KIAA0825: variants seen among roughly 807,000 people sequenced by gnomAD.
KIAA0825 encodes the protein KIAA0825, also known as uncharacterized protein KIAA0825.
In KIAA0825, 119 loss-of-function variants were observed where a neutral mutation model predicts 147.6. The ratio of observed to expected loss-of-function variants is 0.81; its 90% CI spans 0.69 to 0.94. The LOEUF is 0.94. Among genes scored for constraint, KIAA0825 ranks in the 40% least tolerant of loss-of-function variants. KIAA0825 has a pLI of 0.00. For synonymous variants in KIAA0825, 470 were observed against 518.1 expected, an observed-to-expected ratio of 0.91 and a Z score of 1.26; for missense variants, 1,381 against 1,472.7, an observed-to-expected ratio of 0.94 and a Z score of 1.02.
intron 2 of KIAA0825, among the ~76,000 whole-genome samples, chr5:94,546,517 CAGAGAG>C (rs34483380): frequency 0.019 from 2,884 of 149,046 alleles, 38 homozygotes; most frequent in Non-Finnish European, 0.028. Context: ...TGGCTCAGCA[CAGAGAG>C]AGAGAGAGAG....
chr5:94,365,051 T>C (rs905334072), intron 20 of KIAA0825, among the ~76,000 whole-genome samples: 3 of 152,080 alleles, frequency 2.0e-5, no homozygotes, highest in Admixed American at 2.0e-4. Context: ...ATTTGCATAA[T>C]AAGATTAGGG....
At chr5:94,583,661 G>A (rs182219059) in intron 1 of KIAA0825, among the ~76,000 whole-genome samples, 164 of 152,302 alleles carry the variant, frequency 1.1e-3, no homozygotes, top group South Asian at 5.8e-3. Context: ...TGACAGCTCT[G>A]AAGAGAACAG....
At chr5:94,331,567 T>A (rs1286781204) in intron 20 of KIAA0825, among the ~76,000 whole-genome samples, 1 of 152,190 alleles carries the variant, frequency 6.6e-6, no homozygotes, top group African/African-American at 2.4e-5. Flanking sequence ...CTGCAAACCC[T>A]GCTTTGCCTG....
chr5:94,262,665 G>C (rs1021139273), intron 20 of KIAA0825, among the ~76,000 whole-genome samples: 1 of 152,118 alleles, frequency 6.6e-6, no homozygotes, highest in Non-Finnish European at 1.5e-5. Context: ...CTGTCAAGTA[G>C]AAAAAGTAAG....
intron 20 of KIAA0825, among the ~76,000 whole-genome samples, chr5:94,376,114 T>A (rs1747524480): frequency 6.6e-6 from 1 of 152,174 alleles, no homozygotes; most frequent in Non-Finnish European, 1.5e-5. Context: ...TTATAAGGAT[T>A]TACAGTTAAA....
intron 1 of KIAA0825, among the ~76,000 whole-genome samples, chr5:94,610,081 T>C (rs1014957264): frequency 9.9e-5 from 15 of 151,972 alleles, no homozygotes; most frequent in Non-Finnish European, 1.6e-4. Context: ...AAATGAAAAA[T>C]ATTTGATGAG....
At chr5:94,615,995 A>G (rs1790361624) in intron 1 of KIAA0825, among the ~76,000 whole-genome samples, 1 of 152,034 alleles carries the variant, frequency 6.6e-6, no homozygotes, top group Admixed American at 6.6e-5. Context: ...TTAGCCTCCC[A>G]AAGTATTGGG....
intron 12 of KIAA0825, among the ~76,000 whole-genome samples, chr5:94,458,625 A>T (rs1232529043): frequency 1.3e-5 from 2 of 152,172 alleles, no homozygotes; most frequent in African/African-American, 4.8e-5. Context: ...TTAAAAAATG[A>T]GATTTCCCTT....
chr5:94,267,370 A>G (rs971167382), intron 20 of KIAA0825, among the ~76,000 whole-genome samples: 4 of 152,222 alleles, frequency 2.6e-5, no homozygotes, highest in African/African-American at 9.6e-5. Context: ...GTACTGGAGC[A>G]TCACTTCCTC....
intron 20 of KIAA0825, among the ~76,000 whole-genome samples, chr5:94,311,082 G>T (rs1779128859): frequency 6.6e-6 from 1 of 151,526 alleles, no homozygotes; most frequent in Non-Finnish European, 1.5e-5. Context: ...TGTGCAATAG[G>T]TTTATGCCAT....
chr5:94,378,371 C>T (rs1360480005), intron 20 of KIAA0825, among the ~76,000 whole-genome samples: 1 of 152,068 alleles, frequency 6.6e-6, no homozygotes, highest in African/African-American at 2.4e-5. Context: ...TTTTCTGTTC[C>T]TGTATAAGTT....
chr5:94,294,552 CCT>C (rs1371783624), intron 20 of KIAA0825, among the ~76,000 whole-genome samples: 2 of 152,064 alleles, frequency 1.3e-5, no homozygotes, highest in Non-Finnish European at 2.9e-5. Flanking sequence ...ATGGTGAAAC[CCT>C]GTTTCTACTA....
intron 20 of KIAA0825, among the ~76,000 whole-genome samples, chr5:94,278,121 G>A (rs1157048483): frequency 6.6e-6 from 1 of 152,060 alleles, no homozygotes; most frequent in East Asian, 1.9e-4. Flanking sequence ...AGGGGGTTGG[G>A]GGCAAGTGGA....
intron 15 of KIAA0825, among the ~76,000 whole-genome samples, chr5:94,409,953 T>G (rs1050647263): frequency 6.6e-6 from 1 of 151,520 alleles, no homozygotes; most frequent in East Asian, 1.9e-4. Context: ...CACTAAAAAA[T>G]TACCAGACAG....
chr5:94,414,108 T>C (rs1026706837), intron 15 of KIAA0825: 1 of 152,208 alleles, frequency 6.6e-6, no homozygotes, highest in Non-Finnish European at 1.5e-5. Context: ...GTGGAAACTT[T>C]GAATCTCAAC....
In KIAA0825 at chr5:94,449,235, G is replaced by A. The variant is rs182570417; in HGVS notation, c.2357+3724C>T. 3.9e-5 allele frequency among the ~76,000 whole-genome samples: 6 copies of A among 152,264 alleles called. No individual in the cohort carries two copies. In the East Asian group the frequency reaches 1.2e-3, roughly 29 times the overall value. On this transcript the variant is annotated intron_variant, in intron 13 of 20. Coordinates refer to ENST00000682413, the MANE Select transcript of KIAA0825 (RefSeq NM_001145678.3). Reference sequence around the variant, plus strand: ...TAACTGGAGCAGAGAAAACTCTCCAGGAAATAAGCCAGAAAACTCTCCAAC... The same window carrying A: ...TAACTGGAGCAGAGAAAACTCTCCAAGAAATAAGCCAGAAAACTCTCCAAC...
chr5:94,412,601 A>G (rs1436115716), intron 15 of KIAA0825, among the ~76,000 whole-genome samples: 2 of 151,878 alleles, frequency 1.3e-5, no homozygotes, highest in Non-Finnish European at 2.9e-5. Context: ...GGGTTTCACC[A>G]TGTTGGCCAG....
intron 20 of KIAA0825, among the ~76,000 whole-genome samples, chr5:94,222,385 A>T (rs1004142534): frequency 6.6e-6 from 1 of 152,228 alleles, no homozygotes; most frequent in Non-Finnish European, 1.5e-5. Flanking sequence ...GAAAGGATCA[A>T]GGAGTGCTGT....
At chr5:94,228,935 C>CT (rs1233622082) in intron 20 of KIAA0825, among the ~76,000 whole-genome samples, 1 of 152,208 alleles carries the variant, frequency 6.6e-6, no homozygotes, top group African/African-American at 2.4e-5. Context: ...GCCTGGGACT[C>CT]TGACCATTCC....
Sources: gnomAD v4.1 joint callset for allele counts (sites outside exome capture counted in the v4.1 genomes callset) on GRCh38, gnomAD v4.1.1 for gene constraint, MANE v1.5 for transcripts, NCBI Gene and HGNC (gene_info 2026-07-23, HGNC 2026-07-21) for gene names.